The following SPATA13 variants were observed in gnomAD, a reference collection of about 807,000 sequenced individuals.
SPATA13 encodes the protein spermatogenesis-associated protein 13.
In SPATA13, 50 loss-of-function variants were observed where a neutral mutation model predicts 104.0. The ratio of observed to expected loss-of-function variants is 0.48; its 90% CI spans 0.38 to 0.61. SPATA13 has a LOEUF of 0.61. Among genes scored for constraint, SPATA13 ranks in the 20% least tolerant of loss-of-function variants. The pLI, the probability that SPATA13 is intolerant of heterozygous loss-of-function variation, is 0.00. For missense variants in SPATA13, 1,524 were observed against 1,690.6 expected, an observed-to-expected ratio of 0.90 and a Z score of 1.73; for synonymous variants, 606 against 667.5, an observed-to-expected ratio of 0.91 and a Z score of 1.42.
intron 1 of SPATA13, among the ~76,000 whole-genome samples, chr13:24,170,068 T>G (rs538592937): frequency 2.1e-4 from 32 of 152,346 alleles, no homozygotes; most frequent in Admixed American, 1.5e-3. Context: ...TGAGAATGGT[T>G]TGACAGTACA....
chr13:23,991,879 A>G (rs916001982), intron 2 of SPATA13, among the ~76,000 whole-genome samples: 2 of 152,132 alleles, frequency 1.3e-5, no homozygotes, highest in African/African-American at 4.8e-5. Flanking sequence ...GCAGTGGTGA[A>G]TGAGACTGTT....
At chr13:24,271,491 G>A (rs568067885) in intron 4 of SPATA13, among the ~76,000 whole-genome samples, 3 of 152,194 alleles carry the variant, frequency 2.0e-5, no homozygotes, top group Admixed American at 6.5e-5. Flanking sequence ...CTTATCTCCC[G>A]CTTTCTTTTT....
At chr13:24,197,539 C>T (rs145678276) in intron 1 of SPATA13, among the ~76,000 whole-genome samples, 191 of 152,284 alleles carry the variant, frequency 1.3e-3, no homozygotes, top group African/African-American at 4.4e-3. Context: ...GGCAGTAAAA[C>T]TGTAACCTTT....
chr13:24,188,067 G>A (rs1176039321), intron 1 of SPATA13, among the ~76,000 whole-genome samples: 2 of 152,134 alleles, frequency 1.3e-5, no homozygotes, highest in East Asian at 1.9e-4. Context: ...CAGGCCAGGC[G>A]TGGTGGCTCA....
chr13:24,000,264 A>AGGTCT (rs1875892806), intron 2 of SPATA13, among the ~76,000 whole-genome samples: 1 of 152,230 alleles, frequency 6.6e-6, no homozygotes, highest in African/African-American at 2.4e-5. Flanking sequence ...GAGGAAGTGT[A>AGGTCT]GGTCTTGGGG....
chr13:24,264,585 G>C (rs962665518), intron 4 of SPATA13, among the ~76,000 whole-genome samples: 2 of 152,254 alleles, frequency 1.3e-5, no homozygotes, highest in Admixed American at 6.5e-5. Flanking sequence ...TTTGCACAAA[G>C]ATATGCCTGT....
At chr13:24,061,465 T>C (rs1254844435) in intron 3 of SPATA13, among the ~76,000 whole-genome samples, 2 of 151,956 alleles carry the variant, frequency 1.3e-5, no homozygotes, top group Non-Finnish European at 1.5e-5. Flanking sequence ...ATGGAATCAA[T>C]CTAAATGCCC....
chr13:24,220,106 G>C (rs1050608779), intron 1 of SPATA13, among the ~76,000 whole-genome samples: 1 of 152,022 alleles, frequency 6.6e-6, no homozygotes, highest in Non-Finnish European at 1.5e-5. Flanking sequence ...CATGGGACCC[G>C]CACAGACGCT....
chr13:24,086,412 T>C (rs1158115935), intron 3 of SPATA13, among the ~76,000 whole-genome samples: 1 of 152,094 alleles, frequency 6.6e-6, no homozygotes, highest in Non-Finnish European at 1.5e-5. Context: ...GGGTGACAGC[T>C]GCGGTCGAAG....
Position 24,224,171 on chromosome 13 carries a change from C to T in SPATA13, c.1242C>T (p.Thr414=). 1 of 1,551,764 alleles carries T rather than the reference C, an allele frequency of 6.4e-7. No homozygotes were observed. Among genetic ancestry groups the T allele is most frequent in the Non-Finnish European group, 8.7e-7 (1 of 1,147,016 alleles). ...ACACTGCCGTATTTCCTCTTGAAAC[C>T]AAAAGTTCCTGGGCGGTGGAAAGCG... The part of the protein sequence containing the change: ...DADTAVFPLE[T]KSSWAVESDS... Residue 414 remains threonine (T), a synonymous_variant, in exon 2 of 13, where the codon ACC becomes ACT. Transcript: ENST00000382108.
At chr13:24,218,680 C>A (rs1324699028) in intron 1 of SPATA13, among the ~76,000 whole-genome samples, 1 of 151,180 alleles carries the variant, frequency 6.6e-6, no homozygotes, top group South Asian at 2.1e-4. Context: ...AACACAAATT[C>A]GTAAACTTTG....
At chr13:24,068,969 T>A (rs537758656) in intron 3 of SPATA13, among the ~76,000 whole-genome samples, 4 of 152,200 alleles carry the variant, frequency 2.6e-5, no homozygotes, top group Non-Finnish European at 5.9e-5. Flanking sequence ...GTTTGTTCAC[T>A]CTGTTGATAG....
chr13:24,228,984 C>T (rs1014245158), intron 2 of SPATA13, among the ~76,000 whole-genome samples: 3 of 152,152 alleles, frequency 2.0e-5, no homozygotes, highest in African/African-American at 7.2e-5. Flanking sequence ...AATGTCCTGC[C>T]GCTTTAATTT....
chr13:24,224,296 A>T lies in SPATA13; in HGVS notation c.1367A>T (p.Asp456Val). The T allele has an allele frequency of 6.4e-7, 1 of 1,551,632 alleles. No individual in the cohort carries two copies. The highest frequency in any genetic ancestry group is 8.7e-7 in the Non-Finnish European group (1 of 1,146,982). The change falls in exon 2 of 13, where the codon GAC (aspartate) becomes GTC (valine). Residue 456 changes from aspartate (D) to valine (V), a missense_variant. By Grantham distance (152) the Asp-to-Val change is radical. This residue lies in a region of SPATA13 where 1,089 missense variants were observed against 1,135.9 expected (regional missense o/e 0.96). Transcript: ENST00000382108. ...AACGCTGGCAGCCAGTTGACATTTG[A>T]CCCTGAGCAGCCTCCCACCCCTCTA... ...DPNAGSQLTFDPEQPPTPLRP... is the reference protein window; with the variant it reads ...DPNAGSQLTFVPEQPPTPLRP...
At chr13:24,287,799 G>T (rs533081741) in intron 7 of SPATA13, among the ~76,000 whole-genome samples, 1 of 152,320 alleles carries the variant, frequency 6.6e-6, no homozygotes, top group East Asian at 1.9e-4. Flanking sequence ...GAAAGGTTTT[G>T]TCTTCCTGTG....
Position 24,135,711 on chromosome 13 carries a change from A to G in SPATA13, c.-111-87108A>G, listed in dbSNP as rs890201635. Among the ~76,000 whole-genome samples, 198 of 152,026 alleles carry G rather than the reference A, an allele frequency of 1.3e-3. 1 individual carries two copies. Among genetic ancestry groups the G allele is most frequent in the Admixed American group, 2.4e-3 (36 of 15,264 alleles). ...AGAATCCGTCTCAAAAAAAAAAAAA[A>G]AAAAAAAGAGTATTTTTAGATAGAG... On this transcript the variant is annotated intron_variant, in intron 3 of 14. Coordinates refer to the SPATA13 transcript ENST00000424834.
rs1432744370 is a variant in SPATA13 at position 24,303,283 on chromosome 13, G to A, written c.*510G>A. 1 of 395,830 alleles carries A rather than the reference G, an allele frequency of 2.5e-6. No homozygotes were observed. The highest frequency in any genetic ancestry group is 8.6e-5 in the East Asian group (1 of 11,666). The allele number at this position is 395,830 out of a possible 1,614,324, so 24.5% of individuals were successfully genotyped here. On this transcript the variant is annotated 3_prime_UTR_variant, in exon 13 of 13. Transcript: ENST00000382108. ...GCTCTTACTCTCTTCTGTAATACTG[G>A]GGGACCTACAGCTGCCGTGGGGCTG...
At chr13:24,208,806 C>T (rs1021044718) in intron 1 of SPATA13, among the ~76,000 whole-genome samples, 5 of 152,168 alleles carry the variant, frequency 3.3e-5, no homozygotes, top group Admixed American at 6.5e-5. Context: ...AGAAAAGTTT[C>T]AGCTTCTTCA....
In SPATA13 at chr13:24,224,139, G is replaced by A. The variant is rs1330639181; in HGVS notation, c.1210G>A (p.Asp404Asn). 4 of 1,551,754 alleles carry A rather than the reference G, an allele frequency of 2.6e-6. No individual in the cohort carries two copies. In the Admixed American group the frequency reaches 5.9e-5, roughly 23 times the overall value. ...GSATSKGPHLDADTAVFPLET... is the reference protein window; with the variant it reads ...GSATSKGPHLNADTAVFPLET... ...AGCCACCTCTAAGGGGCCCCACCTA[G>A]ACGCTGACACTGCCGTATTTCCTCT... is the stretch of plus-strand genomic sequence containing the variant. Residue 404 changes from aspartate (D) to asparagine (N), a missense_variant, in exon 2 of 13, where the codon GAC becomes AAC. Coordinates refer to ENST00000382108, the MANE Select transcript of SPATA13 (RefSeq NM_001166271.3).
Sources: gnomAD v4.1 joint callset for allele counts (sites outside exome capture counted in the v4.1 genomes callset) on GRCh38, gnomAD v4.1.1 for gene constraint, gnomAD v4.1.1 regional missense constraint, MANE v1.5 for transcripts, NCBI Gene and HGNC (gene_info 2026-07-23, HGNC 2026-07-21) for gene names.